CNTNAP2: variants seen among roughly 807,000 people sequenced by gnomAD.
The protein encoded by CNTNAP2 is contactin-associated protein-like 2.
CNTNAP2 carries 98 observed loss-of-function variants against 155.2 expected under a neutral mutation model. The observed-to-expected ratio is 0.63, with a 90% CI of 0.54 to 0.75. The LOEUF (loss-of-function observed/expected upper bound fraction) is 0.75, where lower values mean the gene tolerates loss of function less well. Among genes scored for constraint, CNTNAP2 ranks in the 30% least tolerant of loss-of-function variants. The pLI, the probability that CNTNAP2 is intolerant of heterozygous loss-of-function variation, is 0.00. For missense variants in CNTNAP2, 1,727 were observed against 1,688.1 expected, an observed-to-expected ratio of 1.02 and a Z score of -0.40; for synonymous variants, 651 against 631.2, an observed-to-expected ratio of 1.03 and a Z score of -0.47.
intron 9 of CNTNAP2, among the ~76,000 whole-genome samples, chr7:147,323,017 A>G (rs1795382175): frequency 2.7e-5 from 1 of 36,636 alleles, no homozygotes; most frequent in Admixed American, 3.8e-4. Flanking sequence ...TGATCCTTTC[A>G]AAAAACCAGC....
intron 4 of CNTNAP2, among the ~76,000 whole-genome samples, chr7:147,099,763 C>A (rs547109276): frequency 2.9e-4 from 44 of 152,108 alleles, no homozygotes; most frequent in Non-Finnish European, 5.6e-4. Flanking sequence ...TGTCTGGTTT[C>A]TTTCCTCATC....
chr7:146,610,048 C>T (rs376931884), intron 1 of CNTNAP2, among the ~76,000 whole-genome samples: 82 of 152,268 alleles, frequency 5.4e-4, no homozygotes, highest in African/African-American at 1.9e-3. Context: ...GGCTGAAACT[C>T]GGCGAGAACC....
intron 8 of CNTNAP2, among the ~76,000 whole-genome samples, chr7:147,138,655 C>T (rs1002451274): frequency 1.3e-5 from 2 of 151,750 alleles, no homozygotes; most frequent in African/African-American, 4.8e-5. Context: ...AAAAAAGGAC[C>T]GGGGGAGAGT....
intron 12 of CNTNAP2, among the ~76,000 whole-genome samples, chr7:147,638,045 C>T (rs1795210168): frequency 6.6e-6 from 1 of 152,262 alleles, no homozygotes; most frequent in South Asian, 2.1e-4. Flanking sequence ...TACCTAGCAT[C>T]TTCCAAAATT....
At chr7:148,348,567 C>T (rs563124678) in intron 21 of CNTNAP2, among the ~76,000 whole-genome samples, 2 of 152,256 alleles carry the variant, frequency 1.3e-5, no homozygotes, top group Admixed American at 6.5e-5. Context: ...GAGGTGACAG[C>T]GTGGGCACAG....
chr7:148,093,955 G>A (rs187616871), intron 15 of CNTNAP2, among the ~76,000 whole-genome samples: 16 of 152,124 alleles, frequency 1.1e-4, no homozygotes, highest in African/African-American at 3.4e-4. Flanking sequence ...ACAGGATTTC[G>A]CAATGTTGCC....
intron 2 of CNTNAP2, among the ~76,000 whole-genome samples, chr7:146,779,306 C>T (rs975003089): frequency 3.3e-5 from 5 of 152,110 alleles, no homozygotes; most frequent in East Asian, 3.9e-4. Flanking sequence ...TTATTATCCC[C>T]GTTTTACAAA....
intron 1 of CNTNAP2, among the ~76,000 whole-genome samples, chr7:146,527,530 TAAGGG>T (rs1797708588): frequency 6.6e-6 from 1 of 151,108 alleles, no homozygotes; most frequent in African/African-American, 2.5e-5. Context: ...ATGGTATTTG[TAAGGG>T]TATATATAGA....
rs1175356531 is a variant in CNTNAP2 at position 147,865,150 on chromosome 7, T to C, written c.2099-38415T>C. 4.6e-5 allele frequency among the ~76,000 whole-genome samples: 7 copies of C among 152,334 alleles called. No individual in the cohort carries two copies. The South Asian group carries it at 6.2e-4, about 14-fold the overall frequency. On this transcript the variant is annotated intron_variant, in intron 13 of 23. Transcript: ENST00000361727. ...TTTTAGCAGGAAGGGCTGTTGAATTTTGTCAAAGGCCTTTTCTGCATCTAT... is the reference window on the plus strand; with the variant it reads ...TTTTAGCAGGAAGGGCTGTTGAATTCTGTCAAAGGCCTTTTCTGCATCTAT...
intron 13 of CNTNAP2, among the ~76,000 whole-genome samples, chr7:147,807,092 G>A (rs1022259801): frequency 1.1e-4 from 16 of 151,848 alleles, no homozygotes; most frequent in African/African-American, 3.6e-4. Flanking sequence ...TGGGAGAATC[G>A]CTTGAACCCA....
chr7:146,157,899 C>G (rs1798152920), intron 1 of CNTNAP2, among the ~76,000 whole-genome samples: 1 of 152,178 alleles, frequency 6.6e-6, no homozygotes, highest in African/African-American at 2.4e-5. Flanking sequence ...GTTCTCCCAG[C>G]ATGGAGTTTG....
At chr7:147,610,669 G>A (rs2116876285) in intron 12 of CNTNAP2, among the ~76,000 whole-genome samples, 1 of 152,252 alleles carries the variant, frequency 6.6e-6, no homozygotes, top group South Asian at 2.1e-4. Context: ...AGTTTTAGGG[G>A]AAGCATCTTC....
At chr7:147,684,622 A>G (rs1795992733) in intron 13 of CNTNAP2, among the ~76,000 whole-genome samples, 2 of 151,978 alleles carry the variant, frequency 1.3e-5, no homozygotes, top group African/African-American at 2.4e-5. Flanking sequence ...GAGGTGTCAC[A>G]TGATCCTGAA....
At chr7:146,436,614 A>C (rs1279795804) in intron 1 of CNTNAP2, among the ~76,000 whole-genome samples, 1 of 152,238 alleles carries the variant, frequency 6.6e-6, no homozygotes, top group African/African-American at 2.4e-5. Flanking sequence ...AAAACAATAA[A>C]ACACAGTTTA....
At chr7:147,351,802 A>C (rs760964064) in intron 9 of CNTNAP2, among the ~76,000 whole-genome samples, 2 of 151,914 alleles carry the variant, frequency 1.3e-5, no homozygotes, top group African/African-American at 4.8e-5. Context: ...CTTCAATGGT[A>C]GCTAAAGAGC....
chr7:147,119,404 A>G (rs1255743049), intron 5 of CNTNAP2, among the ~76,000 whole-genome samples: 1 of 152,188 alleles, frequency 6.6e-6, no homozygotes, highest in Non-Finnish European at 1.5e-5. Context: ...AGAAATATCC[A>G]CTCAAATATC....
intron 10 of CNTNAP2, among the ~76,000 whole-genome samples, chr7:147,408,682 C>T (rs1210186813): frequency 2.0e-5 from 3 of 152,088 alleles, no homozygotes; most frequent in South Asian, 2.1e-4. Flanking sequence ...GGTGTGAACC[C>T]GGGAGGCGGA....
intron 1 of CNTNAP2, among the ~76,000 whole-genome samples, chr7:146,250,484 A>G (rs750047929): frequency 6.6e-6 from 1 of 152,170 alleles, no homozygotes; most frequent in Non-Finnish European, 1.5e-5. Flanking sequence ...TGTCTTGTCT[A>G]TCTTGGTATG....
chr7:147,666,203 T>C (rs1795693401), intron 13 of CNTNAP2, among the ~76,000 whole-genome samples: 1 of 152,184 alleles, frequency 6.6e-6, no homozygotes, highest in African/African-American at 2.4e-5. Flanking sequence ...CTAATAACAT[T>C]TCCAGCGTTA....
Sources: gnomAD v4.1 joint callset for allele counts (sites outside exome capture counted in the v4.1 genomes callset) on GRCh38, gnomAD v4.1.1 for gene constraint, MANE v1.5 for transcripts, NCBI Gene and HGNC (gene_info 2026-07-23, HGNC 2026-07-21) for gene names.